Variants in VPS8 observed in about 807,000 individuals in gnomAD.
VPS8 encodes VPS8 subunit of CORVET complex.
Under a neutral mutation model 216.4 loss-of-function variants are expected in VPS8, and 129 were observed. That is an observed-to-expected ratio of 0.60 (90% CI 0.52 to 0.69). The LOEUF (loss-of-function observed/expected upper bound fraction) is 0.69, where lower values mean the gene tolerates loss of function less well. VPS8 is among the 30% of genes least tolerant of loss of function. The pLI is 0.00. For missense variants in VPS8, 1,531 were observed against 1,683.5 expected, an observed-to-expected ratio of 0.91 and a Z score of 1.59; for synonymous variants, 571 against 565.4, an observed-to-expected ratio of 1.01 and a Z score of -0.14.
chr3:184,999,764 C>A lies in VPS8; in HGVS notation c.3905C>A (p.Thr1302Lys). ...KECTVEFEGQ[T>K]RWTCYKCSSS... ...TGCACTGTGGAATTTGAGGGCCAAACAAGATGGACATGCTACAAATGCAGT... is the reference window on the plus strand; with the variant it reads ...TGCACTGTGGAATTTGAGGGCCAAAAAAGATGGACATGCTACAAATGCAGT... Residue 1302 changes from threonine to lysine, a missense_variant, in exon 45 of 48, where the codon ACA becomes AAA. Physicochemically the swap from Thr to Lys is moderately conservative, Grantham distance 78. Coordinates refer to ENST00000625842, the MANE Select transcript of VPS8 (RefSeq NM_001009921.3). 1 of 1,613,234 alleles carries A rather than the reference C, an allele frequency of 6.2e-7. No individual in the cohort carries two copies. The highest frequency in any genetic ancestry group is 1.1e-5 in the South Asian group (1 of 90,822).
intron 46 of VPS8, among the ~76,000 whole-genome samples, chr3:185,025,004 A>AAAAAAG (rs1219979893): frequency 1.3e-5 from 2 of 152,138 alleles, no homozygotes; most frequent in Non-Finnish European, 2.9e-5. Flanking sequence ...CTCCATCTCA[A>AAAAAAG]AAAAAGAAAA....
chr3:184,871,198 A>G (rs1385993597), intron 21 of VPS8, among the ~76,000 whole-genome samples: 1 of 142,280 alleles, frequency 7.0e-6, no homozygotes, highest in African/African-American at 2.5e-5. Flanking sequence ...TAATAGATCA[A>G]TCACAAATAT....
intron 42 of VPS8, among the ~76,000 whole-genome samples, chr3:184,993,442 T>C (rs1311782150): frequency 6.6e-6 from 1 of 151,986 alleles, no homozygotes; most frequent in African/African-American, 2.4e-5. Context: ...TGAAATGCAG[T>C]GGAGAGAACA....
chr3:184,915,150 C>G, intron 27 of VPS8, 97 bp downstream of exon 27: 1 of 1,417,674 alleles, frequency 7.1e-7, no homozygotes, highest in African/African-American at 1.4e-5. Flanking sequence ...GGGTCAGGAG[C>G]TATCACCTGT....
At chr3:184,896,549 A>G (rs567652381) in intron 23 of VPS8, among the ~76,000 whole-genome samples, 4 of 152,156 alleles carry the variant, frequency 2.6e-5, no homozygotes, top group South Asian at 4.1e-4. Context: ...TAACTCTTCA[A>G]TCTTACTTTT....
rs146905518 is a variant in VPS8 at position 185,000,543 on chromosome 3, C to A, written c.4002+682C>A. On this transcript the variant is annotated intron_variant, in intron 45 of 47. Transcript: ENST00000625842. ...TGTTCCTTCCTCTGTGCTACCCTAT[C>A]CTATAGTTGGCCTTCACATTCACAT... Among the ~76,000 whole-genome samples, 344 of 152,100 alleles carry A rather than the reference C, an allele frequency of 2.3e-3. 1 individual carries two copies. The highest frequency in any genetic ancestry group is 3.5e-3 in the Non-Finnish European group (237 of 67,990).
chr3:184,909,644 C>T (rs1174499421), intron 25 of VPS8, among the ~76,000 whole-genome samples: 1 of 152,156 alleles, frequency 6.6e-6, no homozygotes, highest in Non-Finnish European at 1.5e-5. Flanking sequence ...CTTCATTTAT[C>T]TGTTGAAATT....
Position 184,928,486 on chromosome 3 carries a change from T to A in VPS8, c.2667T>A (p.Val889=). ...LLELLQAGGI[V]QFEESRLIRM... is the part of the protein sequence containing the mutation. Reference sequence around the variant, plus strand: ...AATTGCTGCAGGCTGGAGGCATAGTTCAATTTGAAGAGAGTCGACTCATCC... The same window carrying A: ...AATTGCTGCAGGCTGGAGGCATAGTACAATTTGAAGAGAGTCGACTCATCC... The change falls in exon 32 of 48, where the codon GTT becomes GTA. Residue 889 remains valine (V), a synonymous_variant. Coordinates refer to ENST00000625842, the MANE Select transcript of VPS8 (RefSeq NM_001009921.3). 2 of 1,536,468 alleles carry A rather than the reference T, an allele frequency of 1.3e-6. No individual in the cohort carries two copies. Among genetic ancestry groups the A allele is most frequent in the Non-Finnish European group, 1.7e-6 (2 of 1,153,316 alleles).
intron 44 of VPS8, among the ~76,000 whole-genome samples, chr3:184,998,240 A>C (rs927350261): frequency 6.6e-6 from 1 of 152,150 alleles, no homozygotes; most frequent in African/African-American, 2.4e-5. Context: ...CTATGTCTTA[A>C]GGATTACTCT....
chr3:184,817,849 A>G (rs1346511856), intron 1 of VPS8, among the ~76,000 whole-genome samples: 2 of 152,232 alleles, frequency 1.3e-5, no homozygotes, highest in East Asian at 1.9e-4. Flanking sequence ...TTTTTATTAT[A>G]TAGCTGGGGA....
chr3:184,823,566 CATCTA>C (rs921997984), intron 1 of VPS8, among the ~76,000 whole-genome samples: 4 of 152,116 alleles, frequency 2.6e-5, no homozygotes, highest in South Asian at 2.1e-4. Flanking sequence ...CTGTGAAAAA[CATCTA>C]GTTTAGGAAA....
chr3:184,999,064 T>A (rs867084669), intron 44 of VPS8, among the ~76,000 whole-genome samples: 1 of 143,232 alleles, frequency 7.0e-6, no homozygotes, highest in Non-Finnish European at 1.5e-5. Flanking sequence ...TGGTTTTTGG[T>A]TTTTTTTTTT....
Position 185,052,153 on chromosome 3 carries a change from T to C in VPS8, c.*128T>C, listed in dbSNP as rs2271258. 0.45 allele frequency: 498,402 copies of C among 1,102,048 alleles called. 114,296 individuals carry two copies. The highest frequency in any genetic ancestry group is 0.65 in the East Asian group (23,962 of 36,806). 68.3% of individuals were successfully genotyped at this position (1,102,048 alleles called of 1,614,324 possible). On this transcript the variant is annotated 3_prime_UTR_variant, in exon 48 of 48. Transcript: ENST00000625842. ...CTGAGAAGAGGTTCCAAATTGGGCT[T>C]CTGTGCCCAGAGCGTCCACAGCACC...
chr3:185,036,819 A>G lies in VPS8; in HGVS notation c.4057-11660A>G, dbSNP rs188069023. Among the ~76,000 whole-genome samples the G allele has an allele frequency of 3.8e-3, 571 of 152,142 alleles. 3 individuals are homozygous for G. The highest frequency in any genetic ancestry group is 0.013 in the African/African-American group (548 of 41,544). On this transcript the variant is annotated intron_variant, in intron 46 of 47. Transcript: ENST00000625842. ...TGCATCTAGTAATGTTACAGATGCA[A>G]CAATAGGTTGTTGTAATTTTTACTT...
intron 31 of VPS8, among the ~76,000 whole-genome samples, chr3:184,927,375 T>C (rs1439872948): frequency 1.3e-5 from 2 of 152,172 alleles, no homozygotes; most frequent in Admixed American, 6.5e-5. Flanking sequence ...GACTATCGGA[T>C]AGCAACAGTG....
Position 184,993,505 on chromosome 3 carries a change from T to C in VPS8, c.3586-478T>C, listed in dbSNP as rs1254365104. Among the ~76,000 whole-genome samples the C allele has an allele frequency of 2.0e-5, 3 of 152,148 alleles. No individual in the cohort carries two copies. The East Asian group carries it at 5.8e-4, about 29-fold the overall frequency. ...CAGTAGTGACCTTATTGAAAAAAAC[T>C]TCAAAAAACTGAGAGCTGTTTTCTC... On this transcript the variant is annotated intron_variant, in intron 42 of 47. Coordinates refer to ENST00000625842, the MANE Select transcript of VPS8 (RefSeq NM_001009921.3).
At chr3:184,976,996 C>T (rs1749381385) in intron 40 of VPS8, among the ~76,000 whole-genome samples, 1 of 152,120 alleles carries the variant, frequency 6.6e-6, no homozygotes, top group South Asian at 2.1e-4. Context: ...ATTGCTGGGT[C>T]AAATGGTAGT....
intron 39 of VPS8, among the ~76,000 whole-genome samples, chr3:184,969,651 A>G (rs1748064276): frequency 6.8e-6 from 1 of 146,448 alleles, no homozygotes; most frequent in South Asian, 2.1e-4. Context: ...GCTGGTCTCG[A>G]ACTCCTGACC....
At chr3:184,979,840 T>C (rs1325390309) in intron 40 of VPS8, among the ~76,000 whole-genome samples, 1 of 152,198 alleles carries the variant, frequency 6.6e-6, no homozygotes, top group Admixed American at 6.5e-5. Flanking sequence ...GATCCTGTCA[T>C]CATGTGTTTA....
Sources: allele counts gnomAD v4.1 joint callset (sites outside exome capture counted in the v4.1 genomes callset), GRCh38; gene constraint gnomAD v4.1.1; transcripts MANE v1.5; gene names NCBI Gene and HGNC (gene_info 2026-07-23, HGNC 2026-07-21).